KIRREL3: variants seen among roughly 807,000 people sequenced by gnomAD.
KIRREL3 encodes kirre like nephrin family adhesion molecule 3, also known as kin of IRRE-like protein 3.
KIRREL3 carries 36 observed loss-of-function variants against 89.7 expected under a neutral mutation model. That is an observed-to-expected ratio of 0.40 (90% confidence interval 0.31 to 0.53). KIRREL3 has a LOEUF of 0.53. KIRREL3 is among the 20% of genes least tolerant of loss of function. The probability of loss-of-function intolerance (pLI) is 0.49; values close to 1 mark genes in which losing one functional copy is unlikely to be tolerated. For missense variants in KIRREL3, 864 were observed against 1,056.6 expected (o/e 0.82, Z 2.53); for synonymous variants, 445 against 441.4 (o/e 1.01, Z -0.10).
chr11:126,721,342 C>A (rs1001145047), intron 1 of KIRREL3, among the ~76,000 whole-genome samples: 1 of 151,996 alleles, frequency 6.6e-6, no homozygotes, highest in African/African-American at 2.4e-5. Flanking sequence ...ACCAGCTTGA[C>A]CAACATGGAG....
chr11:126,455,438 T>C lies in KIRREL3; in HGVS notation c.848+911A>G, dbSNP rs568436580. ...ATGCTGAGAGCCATCAGTGACTAAA[T>C]TGCAGTTCCTGCCTTCAAGAAGCTC... On this transcript the variant is annotated intron_variant, in intron 7 of 16. Coordinates refer to ENST00000525144, the MANE Select transcript of KIRREL3 (RefSeq NM_032531.4). This position sits in a 1 kb window ranked among gnomAD's most constrained non-coding sequence, Gnocchi z 6.4. Among the ~76,000 whole-genome samples the C allele has an allele frequency of 1.9e-3, 292 of 152,252 alleles. 1 individual carries two copies. Among genetic ancestry groups the C allele is most frequent in the African/African-American group, 6.8e-3 (284 of 41,542 alleles).
At chr11:126,448,636 C>T (rs1955915630) in intron 8 of KIRREL3, among the ~76,000 whole-genome samples, 1 of 152,080 alleles carries the variant, frequency 6.6e-6, no homozygotes, top group Non-Finnish European at 1.5e-5. Context: ...GAATAAAGGC[C>T]CCAAGAGCTT....
At chr11:126,494,454 C>T (rs547712401) in intron 4 of KIRREL3, among the ~76,000 whole-genome samples, 5 of 152,264 alleles carry the variant, frequency 3.3e-5, no homozygotes, top group African/African-American at 9.6e-5. Context: ...GCTGCAGGGT[C>T]TATTGTGACT....
intron 1 of KIRREL3, among the ~76,000 whole-genome samples, chr11:126,929,545 A>T (rs1347302312): frequency 6.6e-6 from 1 of 152,192 alleles, no homozygotes; most frequent in Non-Finnish European, 1.5e-5. Context: ...ATAAGACACC[A>T]AATACCAAAA....
rs575306681 is a variant in KIRREL3 at position 126,911,517 on chromosome 11, C to T, written c.55+88938G>A. ...CCTCACTGGCCACGGACCAACAGGG[C>T]AGGAAAGCTCAGCCCAGATTTCTGC... On this transcript the variant is annotated intron_variant, in intron 1 of 16. Coordinates refer to ENST00000525144, the MANE Select transcript of KIRREL3 (RefSeq NM_032531.4). 1.5e-4 allele frequency among the ~76,000 whole-genome samples: 23 copies of T among 152,256 alleles called. No homozygotes were observed. In the South Asian group the frequency reaches 2.9e-3, roughly 19 times the overall value.
At position 126,537,060 on chromosome 11, in the gene KIRREL3, C is replaced by G. The variant is rs972626925; in HGVS notation, c.134-10373G>C. ...TTTCTCCACTGGTTATTTGGCCTGG[C>G]CTTTGTTCCAGCAGCAGATTGAGGG... On this transcript the variant is annotated intron_variant, in intron 2 of 16. Coordinates refer to ENST00000525144, the MANE Select transcript of KIRREL3 (RefSeq NM_032531.4). This position sits in a 1 kb window ranked among gnomAD's most constrained non-coding sequence, Gnocchi z 4.3. 6.6e-6 allele frequency among the ~76,000 whole-genome samples: 1 copy of G among 152,148 alleles called. No homozygotes were observed. The highest frequency in any genetic ancestry group is 1.9e-4 in the East Asian group (1 of 5,186).
chr11:126,546,643 G>C (rs887471462), intron 2 of KIRREL3, among the ~76,000 whole-genome samples: 4 of 152,178 alleles, frequency 2.6e-5, no homozygotes, highest in African/African-American at 9.7e-5. Flanking sequence ...TATGGATGAA[G>C]ACTATTAGTC....
chr11:126,440,053 A>G, intron 11 of KIRREL3: 1 of 391,312 alleles, frequency 2.6e-6, no homozygotes, highest in Non-Finnish European at 4.9e-6. Context: ...GGAGGGCTCC[A>G]GGAGGCACAG....
Position 126,611,796 on chromosome 11 carries a change from A to C in KIRREL3, c.56-48884T>G, listed in dbSNP as rs1160740543. Reference sequence around the variant, plus strand: ...TGTGATCCACAGCCCCGCCAGGCTGATGCTTCAGGAATGGATCACACCTTG... The same window carrying C: ...TGTGATCCACAGCCCCGCCAGGCTGCTGCTTCAGGAATGGATCACACCTTG... On this transcript the variant is annotated intron_variant, in intron 1 of 16. Coordinates refer to ENST00000525144, the MANE Select transcript of KIRREL3 (RefSeq NM_032531.4). The surrounding 1 kb of genome is among the most constrained non-coding windows in gnomAD (Gnocchi z 4.7). Among the ~76,000 whole-genome samples the C allele has an allele frequency of 6.6e-6, 1 of 152,146 alleles. No individual in the cohort carries two copies. Among genetic ancestry groups the C allele is most frequent in the Admixed American group, 6.5e-5 (1 of 15,272 alleles).
rs890673623 is a variant in KIRREL3, at chr11:126,797,809, C to T, written c.55+202646G>A. Among the ~76,000 whole-genome samples the T allele has an allele frequency of 2.6e-5, 4 of 152,068 alleles. No homozygotes were observed. The highest frequency in any genetic ancestry group is 4.4e-5 in the Non-Finnish European group (3 of 68,002). ...TTTTGTCCTTGTAAATCAGAAGCAC[C>T]GGGAGCAATTTATTTCTAAACATCA... On this transcript the variant is annotated intron_variant, in intron 1 of 16. Coordinates refer to ENST00000525144, the MANE Select transcript of KIRREL3 (RefSeq NM_032531.4). This position sits in a 1 kb window ranked among gnomAD's most constrained non-coding sequence, Gnocchi z 4.9.
chr11:126,706,019 T>C (rs1947515602), intron 1 of KIRREL3, among the ~76,000 whole-genome samples: 2 of 152,324 alleles, frequency 1.3e-5, no homozygotes, highest in African/African-American at 4.8e-5. Context: ...GTCAAGCTCC[T>C]AGTCAACAGC....
chr11:126,862,337 G>A (rs1480959838), intron 1 of KIRREL3, among the ~76,000 whole-genome samples: 2 of 152,232 alleles, frequency 1.3e-5, no homozygotes, highest in African/African-American at 2.4e-5. Flanking sequence ...CATTTGCAGA[G>A]TGAAGTGAAT....
At chr11:126,998,360 C>T (rs898218616) in intron 1 of KIRREL3, among the ~76,000 whole-genome samples, 3 of 152,258 alleles carry the variant, frequency 2.0e-5, no homozygotes, top group African/African-American at 7.2e-5. Flanking sequence ...AAGAAGCACA[C>T]CATGTACAGG....
chr11:126,446,148 C>CAAAAAAAAAAAAAAAAAA (rs56820180), intron 9 of KIRREL3, among the ~76,000 whole-genome samples: 1 of 83,236 alleles, frequency 1.2e-5, no homozygotes, highest in Non-Finnish European at 2.3e-5. Flanking sequence ...AACTCCATCT[C>CAAAAAAAAAAAAAAAAAA]AAAAAAAAAA....
chr11:126,930,555 T>C (rs1305849368), intron 1 of KIRREL3, among the ~76,000 whole-genome samples: 1 of 152,154 alleles, frequency 6.6e-6, no homozygotes, highest in Non-Finnish European at 1.5e-5. Flanking sequence ...AAATATACTT[T>C]CTTGGTTTAA....
chr11:126,670,658 G>A (rs375764489), intron 1 of KIRREL3, among the ~76,000 whole-genome samples: 2 of 152,182 alleles, frequency 1.3e-5, no homozygotes, highest in African/African-American at 4.8e-5. Context: ...TTGGAATCGT[G>A]GTAAGCTGCC....
At chr11:126,688,120 G>A (rs911090925) in intron 1 of KIRREL3, among the ~76,000 whole-genome samples, 2 of 152,244 alleles carry the variant, frequency 1.3e-5, no homozygotes, top group Non-Finnish European at 2.9e-5. Flanking sequence ...GGATGGAGGT[G>A]GAGAGCTTGG....
chr11:126,741,537 TC>T (rs568012119), intron 1 of KIRREL3, among the ~76,000 whole-genome samples: 59 of 152,146 alleles, frequency 3.9e-4, no homozygotes, highest in Non-Finnish European at 7.3e-4. Flanking sequence ...TGCGTCTTGA[TC>T]TTCAAAGAAA....
intron 1 of KIRREL3, among the ~76,000 whole-genome samples, chr11:126,866,542 C>A (rs1464113853): frequency 6.6e-6 from 1 of 152,052 alleles, no homozygotes; most frequent in Non-Finnish European, 1.5e-5. Context: ...GGGGGGGCTC[C>A]ACCCTCTGGC....
Sources: allele counts gnomAD v4.1 joint callset (sites outside exome capture counted in the v4.1 genomes callset), GRCh38; gene constraint gnomAD v4.1.1; non-coding constraint Gnocchi (gnomAD v3.1); transcripts MANE v1.5; gene names NCBI Gene and HGNC (gene_info 2026-07-23, HGNC 2026-07-21).